Variants in PPP2R5C observed in about 807,000 individuals in gnomAD.
PPP2R5C encodes the protein protein phosphatase 2 regulatory subunit B'gamma.
In PPP2R5C, 7 loss-of-function variants were observed where a neutral mutation model predicts 68.9. The ratio of observed to expected loss-of-function variants is 0.10; its 90% CI spans 0.06 to 0.19. The LOEUF (loss-of-function observed/expected upper bound fraction) is 0.19. Among genes scored for constraint, PPP2R5C ranks in the 10% least tolerant of loss-of-function variants. The probability of loss-of-function intolerance (pLI) is 1.00; values close to 1 mark genes in which losing one functional copy is unlikely to be tolerated. For missense variants in PPP2R5C, 348 were observed against 641.3 expected (o/e 0.54, Z 4.94); for synonymous variants, 210 against 222.2 (o/e 0.95, Z 0.49).
intron 1 of PPP2R5C, among the ~76,000 whole-genome samples, chr14:101,840,189 ATTC>A (rs2041375644): frequency 6.6e-6 from 1 of 152,144 alleles, no homozygotes; most frequent in East Asian, 1.9e-4. Flanking sequence ...ATATCACATT[ATTC>A]TTTTCTCTGT....
At chr14:101,761,004 G>A (rs1319102368), upstream of PPP2R5C, among the ~76,000 whole-genome samples, 1 of 96,514 alleles carries the variant, frequency 1.0e-5, no homozygotes, top group South Asian at 3.4e-4. Flanking sequence ...GGCTGGTCGA[G>A]AGAAGGGGAG....
At chr14:101,902,478 C>T (rs2099639062) in intron 9 of PPP2R5C, among the ~76,000 whole-genome samples, 1 of 152,226 alleles carries the variant, frequency 6.6e-6, no homozygotes, top group African/African-American at 2.4e-5. Flanking sequence ...AGCCTGCCTG[C>T]CTCTGTTGGA....
At chr14:101,791,287 A>ATAG (rs2038354520) in intron 3 of PPP2R5C, among the ~76,000 whole-genome samples, 1 of 152,090 alleles carries the variant, frequency 6.6e-6, no homozygotes, top group Non-Finnish European at 1.5e-5. Context: ...CCTTTCCCCA[A>ATAG]TGACTGGAAA....
rs561915256 is a variant in PPP2R5C at position 101,781,868 on chromosome 14, C to T, written c.94-4150C>T. On this transcript the variant is annotated intron_variant, in intron 2 of 14. Coordinates refer to the PPP2R5C transcript ENST00000328724. This position sits in a 1 kb window ranked among gnomAD's most constrained non-coding sequence, Gnocchi z 6.4. Reference sequence around the variant, plus strand: ...CCTCCAGCCGTGGCCGTGGCCGTGGCCAGGTGTACCGGAGCGGCACCCAGG... The same window carrying T: ...CCTCCAGCCGTGGCCGTGGCCGTGGTCAGGTGTACCGGAGCGGCACCCAGG... 7.9e-5 allele frequency among the ~76,000 whole-genome samples: 12 copies of T among 151,998 alleles called. No homozygotes were observed. The South Asian group carries it at 2.3e-3, about 29-fold the overall frequency.
At chr14:101,809,932 C>A in exon 1 of PPP2R5C, 1 of 1,612,752 alleles carries the variant, frequency 6.2e-7, no homozygotes, top group South Asian at 1.1e-5. Flanking sequence ...GCCTTTCCCG[C>A]TGAAGTCTAG....
chr14:101,808,701 G>C (rs574711925), upstream of PPP2R5C, among the ~76,000 whole-genome samples: 95 of 152,288 alleles, frequency 6.2e-4, no homozygotes, highest in African/African-American at 2.3e-3. Flanking sequence ...TTCACAAGTG[G>C]GGGGAAGAGA....
intron 1 of PPP2R5C, among the ~76,000 whole-genome samples, chr14:101,830,088 A>G (rs1258378043): frequency 2.6e-5 from 4 of 152,204 alleles, no homozygotes; most frequent in Non-Finnish European, 5.9e-5. Context: ...GTACAATACC[A>G]TTTTGTAAAG....
chr14:101,892,355 C>T (rs1321911218), intron 6 of PPP2R5C, among the ~76,000 whole-genome samples: 1 of 142,104 alleles, frequency 7.0e-6, no homozygotes, highest in African/African-American at 2.7e-5. Context: ...AGAATGCCTA[C>T]CAGATGGATA....
At chr14:101,840,117 T>G (rs1417788098) in intron 1 of PPP2R5C, among the ~76,000 whole-genome samples, 1 of 152,208 alleles carries the variant, frequency 6.6e-6, no homozygotes, top group East Asian at 1.9e-4. Flanking sequence ...TTTATAGGTT[T>G]TTATATGGTC....
At chr14:101,774,342 T>C (rs948601706) in intron 2 of PPP2R5C, among the ~76,000 whole-genome samples, 26 of 152,354 alleles carry the variant, frequency 1.7e-4, no homozygotes, top group African/African-American at 6.3e-4. Flanking sequence ...CTAGACAGAC[T>C]GGTTTCTTTG....
intron 2 of PPP2R5C, among the ~76,000 whole-genome samples, chr14:101,870,187 T>C (rs1405647012): frequency 2.0e-5 from 3 of 151,984 alleles, no homozygotes; most frequent in Admixed American, 2.0e-4. Context: ...AAGTGTCTTG[T>C]ACAGAGCAAA....
chr14:101,762,798 C>T (rs1329391072), intron 1 of PPP2R5C, 107 bp from the exon 2 acceptor site: 9 of 896,888 alleles, frequency 1.0e-5, no homozygotes, highest in Non-Finnish European at 1.6e-5. Flanking sequence ...TTAAAAATAT[C>T]AGAAGCTGTA....
rs748102896 is a variant in PPP2R5C at position 101,909,664 on chromosome 14, A to G, written c.1227A>G (p.Thr409=). The stretch of plus-strand genomic sequence containing the variant: ...ACCAAAAGCTATTTGATGACTGTAC[A>G]CAACAGTTCAAAGCAGAGAAACTAA... Residue 409 remains threonine (T), a synonymous_variant, in exon 11 of 14, where the codon ACA becomes ACG. Coordinates refer to ENST00000334743, the Ensembl canonical transcript of PPP2R5C. The G allele has an allele frequency of 2.1e-5, 34 of 1,606,648 alleles. No individual in the cohort carries two copies. In the African/African-American group the frequency reaches 3.6e-4, roughly 17 times the overall value.
intron 2 of PPP2R5C, among the ~76,000 whole-genome samples, chr14:101,768,727 C>A (rs1202475647): frequency 6.6e-6 from 1 of 152,106 alleles, no homozygotes. Context: ...TTGTGGACCC[C>A]TGAAAGGGTC....
At chr14:101,853,549 T>A (rs1678030) in intron 1 of PPP2R5C, among the ~76,000 whole-genome samples, 7,577 of 152,310 alleles carry the variant, frequency 0.05, 235 homozygotes, top group South Asian at 0.077. Context: ...TCAGTTACTG[T>A]GCAGTGTTTA....
At chr14:101,924,954 T>C (rs1235728547) in intron 13 of PPP2R5C, among the ~76,000 whole-genome samples, 187 bp from the exon 16 acceptor site, 1 of 152,206 alleles carries the variant, frequency 6.6e-6, no homozygotes, top group Non-Finnish European at 1.5e-5. Context: ...TCACGATTTT[T>C]AGTAGCAAGA....
intron 1 of PPP2R5C, among the ~76,000 whole-genome samples, chr14:101,856,194 G>T (rs2042416213): frequency 6.6e-6 from 1 of 152,190 alleles, no homozygotes. Flanking sequence ...CCCTTCCCAT[G>T]TTGTAAGCTG....
intron 2 of PPP2R5C, chr14:101,765,319 G>A (rs1458841629): frequency 5.7e-6 from 4 of 698,714 alleles, no homozygotes; most frequent in Non-Finnish European, 1.0e-5. Flanking sequence ...AATACAAGTT[G>A]GGACACTTCT....
At chr14:101,833,548 GCT>G (rs1328172494) in intron 1 of PPP2R5C, 1 of 152,026 alleles carries the variant, frequency 6.6e-6, no homozygotes, top group African/African-American at 2.4e-5. Flanking sequence ...TTCATTTTTT[GCT>G]CTCATTGTCT....
Sources: gnomAD v4.1 joint callset for allele counts (sites outside exome capture counted in the v4.1 genomes callset) on GRCh38, gnomAD v4.1.1 for gene constraint, Gnocchi (gnomAD v3.1) non-coding constraint, MANE v1.5 for transcripts, NCBI Gene and HGNC (gene_info 2026-07-23, HGNC 2026-07-21) for gene names.